PRLR: variants seen among roughly 807,000 people sequenced by gnomAD.
PRLR encodes hPRL receptor.
A neutral mutation model predicts 40.2 loss-of-function variants in PRLR; 13 were observed. The observed-to-expected ratio is 0.32, with a 90% CI of 0.21 to 0.51. The LOEUF (loss-of-function observed/expected upper bound fraction) is 0.51, where lower values mean the gene tolerates loss of function less well. Ranked by LOEUF, PRLR falls within the 20% of genes least tolerant of loss-of-function variation. The probability of loss-of-function intolerance (pLI) is 0.97; values close to 1 mark genes in which losing one functional copy is unlikely to be tolerated. For synonymous variants in PRLR, 269 were observed against 278.7 expected (o/e 0.97, Z 0.35); for missense variants, 656 against 747.3 (o/e 0.88, Z 1.42).
chr5:35,135,703 A>G (rs2962103), intron 1 of PRLR, among the ~76,000 whole-genome samples: 31,552 of 151,924 alleles, frequency 0.21, 5,925 homozygotes, highest in African/African-American at 0.5. Context: ...ACCTAACCCT[A>G]GGGTTTTCTG....
At chr5:35,203,986 C>A (rs2111616741) in intron 1 of PRLR, among the ~76,000 whole-genome samples, 1 of 152,056 alleles carries the variant, frequency 6.6e-6, no homozygotes, top group East Asian at 1.9e-4. Flanking sequence ...ACAAACCCAA[C>A]AACAAAAACA....
downstream of PRLR, among the ~76,000 whole-genome samples, chr5:35,055,276 A>G (rs1406203936): frequency 6.6e-6 from 1 of 152,162 alleles, no homozygotes; most frequent in Admixed American, 6.6e-5. Flanking sequence ...AGTTGATCGA[A>G]TCTCAGGTTT....
chr5:35,221,871 C>T (rs1264447755), intron 1 of PRLR, among the ~76,000 whole-genome samples: 2 of 152,224 alleles, frequency 1.3e-5, no homozygotes, highest in Non-Finnish European at 2.9e-5. Flanking sequence ...ATTGACCTAT[C>T]TTTTTGTCTA....
Position 35,089,665 on chromosome 5 carries a change from T to A in PRLR, c.-43-2A>T. The A allele has an allele frequency of 6.2e-7, 1 of 1,606,938 alleles. No homozygotes were observed. The highest frequency in any genetic ancestry group is 8.5e-7 in the Non-Finnish European group (1 of 1,173,528). On this transcript the variant is annotated splice_acceptor_variant, in intron 2 of 9. Coordinates refer to ENST00000618457, the MANE Select transcript of PRLR (RefSeq NM_000949.7). LOFTEE classifies it low-confidence loss of function (5UTR_SPLICE). Reference sequence around the variant, plus strand: ...TGCAGGAAATGTATCAGAAGTTCACTGGAAGAGAAGGTAGCAGGTAACTTT... The same window carrying A: ...TGCAGGAAATGTATCAGAAGTTCACAGGAAGAGAAGGTAGCAGGTAACTTT...
At chr5:35,142,324 A>AT (rs1774049612) in intron 1 of PRLR, among the ~76,000 whole-genome samples, 1 of 152,064 alleles carries the variant, frequency 6.6e-6, no homozygotes, top group Admixed American at 6.6e-5. Context: ...CATATCCGGG[A>AT]TTTTTGTGGA....
chr5:35,164,092 C>T (rs1433370009), intron 1 of PRLR, among the ~76,000 whole-genome samples: 2 of 152,214 alleles, frequency 1.3e-5, no homozygotes, highest in Non-Finnish European at 2.9e-5. Context: ...TCAGTCACGT[C>T]ATTTTTGCTT....
At chr5:35,115,433 T>C (rs993523588) in intron 2 of PRLR, among the ~76,000 whole-genome samples, 1 of 152,212 alleles carries the variant, frequency 6.6e-6, no homozygotes, top group African/African-American at 2.4e-5. Context: ...ACTCAAATGA[T>C]AGGAATTTGA....
At chr5:35,083,068 TACAC>T (rs3836809) in intron 5 of PRLR, among the ~76,000 whole-genome samples, 18,851 of 144,712 alleles carry the variant, frequency 0.13, 1,609 homozygotes, top group African/African-American at 0.25. Flanking sequence ...GGTAAGGCAA[TACAC>T]ACACACACAC....
chr5:35,210,839 T>C (rs1320322112), intron 1 of PRLR, among the ~76,000 whole-genome samples: 1 of 152,092 alleles, frequency 6.6e-6, no homozygotes, highest in Non-Finnish European at 1.5e-5. Context: ...TGCCCCCAAG[T>C]AGCTAGGACA....
chr5:35,090,725 G>A (rs185919592), intron 2 of PRLR, among the ~76,000 whole-genome samples: 4 of 146,952 alleles, frequency 2.7e-5, no homozygotes, highest in East Asian at 2.1e-4. Flanking sequence ...CTTGTGGGAC[G>A]TACTCAGACA....
chr5:35,132,574 T>A (rs1432539252), intron 1 of PRLR, among the ~76,000 whole-genome samples: 1 of 152,182 alleles, frequency 6.6e-6, no homozygotes, highest in East Asian at 1.9e-4. Flanking sequence ...TTTTTGCAAT[T>A]CAAAATAGGA....
intron 1 of PRLR, among the ~76,000 whole-genome samples, chr5:35,147,495 T>G (rs1774214862): frequency 6.6e-6 from 1 of 152,210 alleles, no homozygotes; most frequent in Non-Finnish European, 1.5e-5. Context: ...AATCAGACAA[T>G]TTATGTCTTG....
intron 1 of PRLR, among the ~76,000 whole-genome samples, chr5:35,144,927 T>C (rs1056581339): frequency 5.9e-5 from 9 of 152,168 alleles, no homozygotes; most frequent in Admixed American, 5.9e-4. Context: ...CAGCCAGAGT[T>C]CTGGGAATAA....
chr5:35,077,509 C>T (rs1579590092), intron 5 of PRLR, among the ~76,000 whole-genome samples: 1 of 151,020 alleles, frequency 6.6e-6, no homozygotes, highest in South Asian at 2.1e-4. Flanking sequence ...GCTAACTATC[C>T]TAAATATGTT....
intron 1 of PRLR, among the ~76,000 whole-genome samples, chr5:35,202,493 T>A (rs886475950): frequency 1.3e-5 from 2 of 152,080 alleles, no homozygotes; most frequent in African/African-American, 4.8e-5. Flanking sequence ...TCTCTCAGAA[T>A]CCCCTCCCTA....
At chr5:35,104,665 G>T (rs991693827) in intron 2 of PRLR, among the ~76,000 whole-genome samples, 2 of 152,150 alleles carry the variant, frequency 1.3e-5, no homozygotes, top group Non-Finnish European at 2.9e-5. Flanking sequence ...TGGCAGCAAG[G>T]GTGGGGAAGG....
intron 1 of PRLR, among the ~76,000 whole-genome samples, chr5:35,137,334 C>G (rs1389430726): frequency 6.6e-6 from 1 of 151,650 alleles, no homozygotes; most frequent in African/African-American, 2.4e-5. Context: ...TTTTAAGCAG[C>G]ATAACTTTCA....
intron 2 of PRLR, among the ~76,000 whole-genome samples, chr5:35,112,238 T>C (rs548849692): frequency 5.1e-4 from 78 of 152,360 alleles, no homozygotes; most frequent in Admixed American, 4.2e-3. Context: ...GTCTTAGGGT[T>C]ATTTGAAATA....
At chr5:35,197,427 C>T (rs1775766485) in intron 1 of PRLR, among the ~76,000 whole-genome samples, 1 of 152,230 alleles carries the variant, frequency 6.6e-6, no homozygotes, top group Non-Finnish European at 1.5e-5. Flanking sequence ...GGGGTTCCCC[C>T]TGGGAAGTTT....
Sources: gnomAD v4.1 joint callset for allele counts (sites outside exome capture counted in the v4.1 genomes callset) on GRCh38, gnomAD v4.1.1 for gene constraint, MANE v1.5 for transcripts, NCBI Gene and HGNC (gene_info 2026-07-23, HGNC 2026-07-21) for gene names.